The following CIMIP7 variants were observed in gnomAD, a reference collection of about 807,000 sequenced individuals.
CIMIP7 encodes ciliary microtubule inner protein 7.
At chr3:49,178,103 C>T in the CIMIP7 span, 3 of 1,489,568 alleles carry the variant, frequency 2.0e-6, no homozygotes, top group Non-Finnish European at 2.7e-6. Flanking sequence ...CAAGCACCTT[C>T]TTGGGCCCCT....
chr3:49,184,913 G>T, the CIMIP7 span, among the ~76,000 whole-genome samples: 1 of 152,070 alleles, frequency 6.6e-6, no homozygotes, highest in East Asian at 1.9e-4. Context: ...ACAGGCGTGA[G>T]CCACTGCGCC....
the CIMIP7 span, chr3:49,190,193 T>G: frequency 4.6e-6 from 6 of 1,302,572 alleles, no homozygotes; most frequent in African/African-American, 1.5e-5. Context: ...CCATGGATCC[T>G]AGACCTCAGG....
chr3:49,180,946 A>G, the CIMIP7 span, among the ~76,000 whole-genome samples: 1 of 151,108 alleles, frequency 6.6e-6, no homozygotes, highest in East Asian at 2.0e-4. Context: ...AAAAAAAAAA[A>G]AAAAAGAGTT....
At chr3:49,185,591 C>A in the CIMIP7 span, among the ~76,000 whole-genome samples, 1 of 151,980 alleles carries the variant, frequency 6.6e-6, no homozygotes, top group Admixed American at 6.6e-5. Context: ...AACAAAAAAA[C>A]CAGAGCAGCA....
chr3:49,188,636 C>G, the CIMIP7 span, among the ~76,000 whole-genome samples: 1 of 152,144 alleles, frequency 6.6e-6, no homozygotes, highest in Non-Finnish European at 1.5e-5. Context: ...CCCCTTGTCC[C>G]CCTTTGGGCT....
the CIMIP7 span, among the ~76,000 whole-genome samples, chr3:49,188,594 T>C: frequency 2.6e-5 from 4 of 152,138 alleles, no homozygotes; most frequent in Non-Finnish European, 5.9e-5. Context: ...TTCATACCTT[T>C]ATCTCCTTCT....
At chr3:49,191,610 G>A in the CIMIP7 span, 2 of 931,936 alleles carry the variant, frequency 2.1e-6, no homozygotes, top group East Asian at 4.8e-5. Context: ...TGGTGGAGAG[G>A]AAGTGGGCGG....
the CIMIP7 span, chr3:49,178,369 C>A: frequency 2.1e-6 from 2 of 960,350 alleles, no homozygotes; most frequent in Non-Finnish European, 3.2e-6. Flanking sequence ...ACTCCTCTGC[C>A]TTCATAAGGA....
At chr3:49,183,853 A>T in the CIMIP7 span, among the ~76,000 whole-genome samples, 1 of 152,262 alleles carries the variant, frequency 6.6e-6, no homozygotes, top group Non-Finnish European at 1.5e-5. Context: ...GAATGATTAA[A>T]CAAACTGGTA....
the CIMIP7 span, among the ~76,000 whole-genome samples, chr3:49,181,395 A>T: frequency 6.6e-6 from 1 of 151,676 alleles, no homozygotes; most frequent in Non-Finnish European, 1.5e-5. Flanking sequence ...TTACACCCGT[A>T]ATCCCAGGAC....
At chr3:49,186,747 C>CA in the CIMIP7 span, among the ~76,000 whole-genome samples, 1 of 149,744 alleles carries the variant, frequency 6.7e-6, no homozygotes, top group Non-Finnish European at 1.5e-5. Flanking sequence ...CACACACACG[C>CA]ACGCACGCAC....
chr3:49,190,497 ATT>A, the CIMIP7 span, among the ~76,000 whole-genome samples: 14 of 139,254 alleles, frequency 1.0e-4, no homozygotes, highest in Middle Eastern at 3.6e-3. Context: ...TCTCTCCACA[ATT>A]TTTTTTTTTT....
the CIMIP7 span, among the ~76,000 whole-genome samples, chr3:49,180,914 AGT>A: frequency 6.6e-5 from 8 of 120,670 alleles, no homozygotes; most frequent in East Asian, 1.1e-3. Context: ...TGGGCGACAG[AGT>A]GAGACTCCGT....
the CIMIP7 span, among the ~76,000 whole-genome samples, chr3:49,185,049 G>A: frequency 6.6e-6 from 1 of 151,662 alleles, no homozygotes; most frequent in Admixed American, 6.6e-5. Flanking sequence ...ATCACCTGAG[G>A]TCGGGAGTTC....
At chr3:49,185,025 G>A in the CIMIP7 span, among the ~76,000 whole-genome samples, 1 of 151,936 alleles carries the variant, frequency 6.6e-6, no homozygotes, top group African/African-American at 2.4e-5. Context: ...ACTTTGGGGG[G>A]CCGAGGTGGG....
the CIMIP7 span, among the ~76,000 whole-genome samples, chr3:49,184,921 G>A: frequency 2.0e-4 from 31 of 151,710 alleles, no homozygotes; most frequent in African/African-American, 6.8e-4. Flanking sequence ...GAGCCACTGC[G>A]CCCGACCTAT....
At chr3:49,191,211 C>A in the CIMIP7 span, among the ~76,000 whole-genome samples, 3 of 152,288 alleles carry the variant, frequency 2.0e-5, no homozygotes, top group East Asian at 5.8e-4. Context: ...CTGGCCATCA[C>A]AATGGGCTAT....
At chr3:49,187,244 T>C in the CIMIP7 span, among the ~76,000 whole-genome samples, 1 of 152,214 alleles carries the variant, frequency 6.6e-6, no homozygotes. Context: ...AGCATCTTTG[T>C]TTCTTAATCA....
the CIMIP7 span, chr3:49,189,987 G>A: frequency 1.3e-6 from 2 of 1,492,548 alleles, no homozygotes; most frequent in Non-Finnish European, 9.4e-7. Flanking sequence ...GCAAGAACTG[G>A]TCTAGTCACC....
Sources: allele counts gnomAD v4.1 joint callset (sites outside exome capture counted in the v4.1 genomes callset), GRCh38; gene constraint gnomAD v4.1.1; transcripts MANE v1.5; gene names NCBI Gene and HGNC (gene_info 2026-07-23, HGNC 2026-07-21).